The following GNG5 variants were observed in gnomAD, a reference collection of about 807,000 sequenced individuals.
GNG5 encodes guanine nucleotide-binding protein G(I)/G(S)/G(O) subunit gamma-5.
Under a neutral mutation model 6.2 loss-of-function variants are expected in GNG5, and 2 were observed. The ratio of observed to expected loss-of-function variants is 0.32; its 90% confidence interval spans 0.13 to 1.01. GNG5 has a LOEUF of 1.01. Ranked by LOEUF, GNG5 falls within the 50% of genes least tolerant of loss-of-function variation. The pLI is 0.48. For missense variants in GNG5, 57 were observed against 80.2 expected, an observed-to-expected ratio of 0.71 and a Z score of 1.10; for synonymous variants, 24 against 33.0, an observed-to-expected ratio of 0.73 and a Z score of 0.93.
intron 2 of GNG5, among the ~76,000 whole-genome samples, chr1:84,504,039 G>A (rs867590911): frequency 6.6e-6 from 1 of 152,218 alleles, no homozygotes; most frequent in African/African-American, 2.4e-5. Flanking sequence ...CCAGGAGGTT[G>A]AAACCCTGTA....
chr1:84,504,651 A>AAG lies in GNG5; in HGVS notation c.81+1358_81+1359dup, dbSNP rs1420924237. On this transcript the variant is annotated intron_variant, in intron 2 of 3. Transcript: ENST00000370645. The stretch of plus-strand genomic sequence containing the variant: ...TCGAGTTTCAGAGCCAAATCCAGCC[A>AAG]AGACTGACTAGAAACCACTGTGATG... Among the ~76,000 whole-genome samples the AAG allele has an allele frequency of 3.9e-5, 6 of 152,326 alleles. No individual in the cohort carries two copies. In the East Asian group the frequency reaches 9.6e-4, roughly 24 times the overall value.
In GNG5 at chr1:84,501,862, C is replaced by T. The variant is rs190933990; in HGVS notation, c.190G>A (p.Val64Ile). ...SSTNPFRPQKVCSFL is the reference protein window; with the variant it reads ...SSTNPFRPQKICSFL ...TCATTTTACTACAAAAAGGAACAGA[C>T]TTTCTGGGGTCTGAAGGGATTTGTA... is the stretch of plus-strand genomic sequence containing the variant. The change falls in exon 3 of 4, where the codon GTC (valine) becomes ATC (isoleucine). Residue 64 changes from valine to isoleucine, a missense_variant. Transcript: ENST00000370645. 24 of 1,610,850 alleles carry T rather than the reference C, an allele frequency of 1.5e-5. No individual in the cohort carries two copies. The Admixed American group carries it at 3.8e-4, about 26-fold the overall frequency.
intron 2 of GNG5, chr1:84,503,805 G>C (rs1389432537): frequency 6.6e-6 from 1 of 152,220 alleles, no homozygotes; most frequent in African/African-American, 2.4e-5. Flanking sequence ...GAAAATGACA[G>C]ACAAGGTGCT....
rs138656388 is a variant in GNG5 at position 84,505,998 on chromosome 1, C to T, written c.81+13G>A. 5,158 of 1,501,064 alleles carry T rather than the reference C, an allele frequency of 3.4e-3. 130 individuals carry two copies. In the African/African-American group the frequency reaches 0.059, roughly 17 times the overall value. The allele number at this position is 1,501,064 out of a possible 1,614,324, so 93.0% of individuals were successfully genotyped here. A position where few individuals can be genotyped will look rare whatever the true frequency, so the allele number is the denominator to read the frequency against. On this transcript the variant is annotated intron_variant, in intron 2 of 3. Coordinates refer to ENST00000370645, the MANE Select transcript of GNG5 (RefSeq NM_005274.3). ...CCGCCTTCCTCCCGCCTCGGCCGCC[C>T]GCCCCCGCTCACTTTTACGCGGTTG...
intron 2 of GNG5, among the ~76,000 whole-genome samples, chr1:84,502,521 A>C (rs1682079909): frequency 6.6e-6 from 1 of 152,202 alleles, no homozygotes; most frequent in Admixed American, 6.5e-5. Context: ...TAGAAGCATC[A>C]GATGACTGAG....
At chr1:84,502,591 T>C (rs149859588) in intron 2 of GNG5, among the ~76,000 whole-genome samples, 1 of 152,326 alleles carries the variant, frequency 6.6e-6, no homozygotes, top group East Asian at 1.9e-4. Context: ...TTATTAATAA[T>C]AGGCTGTTCA....
At chr1:84,502,110 G>T in intron 2 of GNG5, 140 bp from the exon 3 acceptor site, 2 of 340,950 alleles carry the variant, frequency 5.9e-6, no homozygotes, top group African/African-American at 2.2e-5. Flanking sequence ...AATAATTGAA[G>T]ACTTAAGTCA....
chr1:84,502,748 A>G (rs2101891784), intron 2 of GNG5, among the ~76,000 whole-genome samples: 1 of 152,354 alleles, frequency 6.6e-6, no homozygotes, highest in African/African-American at 2.4e-5. Context: ...TGGGATAACT[A>G]GCACATAATT....
rs551495577 is a variant in GNG5, at chr1:84,506,265, C to G, written c.-174G>C. The G allele has an allele frequency of 9.5e-5, 45 of 475,692 alleles. No homozygotes were observed. The highest frequency in any genetic ancestry group is 8.6e-4 in the African/African-American group (42 of 49,012). 29.5% of individuals were successfully genotyped at this position (475,692 alleles called of 1,614,324 possible). Reference sequence around the variant, plus strand: ...GGTGCGCATGCGCGCCTTGCCAGCCCTCTGTTCCAGCTCCACACCCGGCCC... The same window carrying G: ...GGTGCGCATGCGCGCCTTGCCAGCCGTCTGTTCCAGCTCCACACCCGGCCC... On this transcript the variant is annotated 5_prime_UTR_variant, in exon 2 of 4. Transcript: ENST00000370645.
chr1:84,503,827 T>C (rs964016402), intron 2 of GNG5: 5 of 152,078 alleles, frequency 3.3e-5, no homozygotes, highest in African/African-American at 1.2e-4. Context: ...TGTAGTAAAA[T>C]GAATAATCTT....
intron 3 of GNG5, among the ~76,000 whole-genome samples, chr1:84,500,243 T>C (rs1255056490): frequency 6.6e-6 from 1 of 152,230 alleles, no homozygotes; most frequent in Non-Finnish European, 1.5e-5. Context: ...GATTTGCATA[T>C]ATTCAAGCTT....
chr1:84,499,818 T>C (rs1313479337), intron 3 of GNG5, among the ~76,000 whole-genome samples: 1 of 152,172 alleles, frequency 6.6e-6, no homozygotes, highest in African/African-American at 2.4e-5. Flanking sequence ...AAATTTCCTC[T>C]TAAAAGGAAA....
chr1:84,498,758 T>C (rs1015288781), intron 3 of GNG5, among the ~76,000 whole-genome samples: 2 of 152,204 alleles, frequency 1.3e-5, no homozygotes, highest in Admixed American at 6.5e-5. Context: ...CTTGCTAAGA[T>C]TACTGCCAAA....
intron 2 of GNG5, among the ~76,000 whole-genome samples, chr1:84,504,539 TC>T (rs1255535598): frequency 1.3e-5 from 2 of 152,138 alleles, no homozygotes. Context: ...GCTTTCACTA[TC>T]CCACCCCCAT....
intron 2 of GNG5, among the ~76,000 whole-genome samples, chr1:84,502,217 A>G (rs112486553): frequency 0.037 from 5,396 of 147,332 alleles, 338 homozygotes; most frequent in African/African-American, 0.13. Flanking sequence ...GCTCACTGCA[A>G]CCTCCGCCTC....
At chr1:84,502,359 CTT>C (rs1055401844) in intron 2 of GNG5, among the ~76,000 whole-genome samples, 2 of 151,882 alleles carry the variant, frequency 1.3e-5, no homozygotes, top group Non-Finnish European at 2.9e-5. Flanking sequence ...GTCTCTCTCT[CTT>C]GACCTCGTGA....
In GNG5 at chr1:84,506,193, A is replaced by G; in HGVS notation, c.-102T>C. 1 of 892,808 alleles carries G rather than the reference A, an allele frequency of 1.1e-6. No homozygotes were observed. The highest frequency in any genetic ancestry group is 1.6e-6 in the Non-Finnish European group (1 of 617,048). 55.3% of individuals were successfully genotyped at this position (892,808 alleles called of 1,614,324 possible). ...GGCGCGCGGCGGGGGCGGGGCTCCG[A>G]ACTTTGTCTCTAAGTTTCCGGTTCT... On this transcript the variant is annotated 5_prime_UTR_variant, in exon 2 of 4. Coordinates refer to ENST00000370645, the MANE Select transcript of GNG5 (RefSeq NM_005274.3).
chr1:84,505,872 G>A, intron 2 of GNG5, 139 bp downstream of exon 2: 1 of 531,336 alleles, frequency 1.9e-6, no homozygotes, highest in South Asian at 4.6e-5. Flanking sequence ...GCCGCTCCCC[G>A]ATCGCCGCCG....
Position 84,501,775 on chromosome 1 carries a change from A to C in GNG5, c.*19+51T>G, listed in dbSNP as rs1682061654. On this transcript the variant is annotated intron_variant, in intron 3 of 3. Transcript: ENST00000370645. Reference sequence around the variant, plus strand: ...TTTAAGTGCTGCAAAGAAAGAGAAGACTAGTTATTCCTACAGTGTGGGTTT... The same window carrying C: ...TTTAAGTGCTGCAAAGAAAGAGAAGCCTAGTTATTCCTACAGTGTGGGTTT... 2.8e-6 allele frequency: 3 copies of C among 1,074,918 alleles called. No homozygotes were observed. The South Asian group carries it at 3.9e-5, about 14-fold the overall frequency. The allele number at this position is 1,074,918 out of a possible 1,614,324, so 66.6% of individuals were successfully genotyped here. A position where few individuals can be genotyped will look rare whatever the true frequency, so the allele number is the denominator to read the frequency against.
Sources: allele counts gnomAD v4.1 joint callset (sites outside exome capture counted in the v4.1 genomes callset), GRCh38; gene constraint gnomAD v4.1.1; transcripts MANE v1.5; gene names NCBI Gene and HGNC (gene_info 2026-07-23, HGNC 2026-07-21).